The following CNTN5 variants were observed in gnomAD, a reference collection of about 807,000 sequenced individuals.
The protein encoded by CNTN5 is contactin 5.
CNTN5 carries 77 observed loss-of-function variants against 129.1 expected under a neutral mutation model. That is an observed-to-expected ratio of 0.60 (90% CI 0.50 to 0.72). The LOEUF (loss-of-function observed/expected upper bound fraction) is 0.72. CNTN5 is among the 30% of genes least tolerant of loss of function. The pLI is 0.00. For missense variants in CNTN5, 1,478 were observed against 1,328.8 expected (o/e 1.11, Z -1.75); for synonymous variants, 509 against 465.6 (o/e 1.09, Z -1.20).
chr11:99,211,092 C>G (rs755534477), intron 1 of CNTN5, among the ~76,000 whole-genome samples: 12 of 152,090 alleles, frequency 7.9e-5, no homozygotes, highest in Non-Finnish European at 1.5e-4. Flanking sequence ...AAGCCCTCCT[C>G]CCAATTGGGC....
intron 3 of CNTN5, among the ~76,000 whole-genome samples, chr11:99,620,717 C>CA (rs1168552905): frequency 1.3e-5 from 2 of 151,360 alleles, no homozygotes; most frequent in South Asian, 2.1e-4. Flanking sequence ...CCCGCTCCCC[C>CA]CCGGCCATCA....
intron 1 of CNTN5, among the ~76,000 whole-genome samples, chr11:99,059,082 C>A (rs1218910382): frequency 5.3e-5 from 8 of 149,872 alleles, no homozygotes; most frequent in Non-Finnish European, 1.0e-4. Context: ...TCCCTCCCTC[C>A]CCACCTCTCT....
At chr11:100,092,715 C>T (rs1944837358) in intron 13 of CNTN5, among the ~76,000 whole-genome samples, 2 of 152,042 alleles carry the variant, frequency 1.3e-5, no homozygotes, top group Admixed American at 1.3e-4. Context: ...GCTCTTCCCC[C>T]ATACTGAGAT....
Position 99,390,430 on chromosome 11 carries a change from T to A in CNTN5, c.-71+64946T>A, listed in dbSNP as rs189498801. On this transcript the variant is annotated intron_variant, in intron 2 of 24. Transcript: ENST00000524871. The stretch of plus-strand genomic sequence containing the variant: ...AAAAGAAAGACATACTTGTTATTCA[T>A]AAGAAAAAAGAAAGATTTTAAAACA... Among the ~76,000 whole-genome samples the A allele has an allele frequency of 1.8e-4, 27 of 152,274 alleles. No homozygotes were observed. The East Asian group carries it at 5.0e-3, about 28-fold the overall frequency.
intron 9 of CNTN5, among the ~76,000 whole-genome samples, chr11:100,022,402 C>T (rs1188224678): frequency 6.6e-6 from 1 of 152,090 alleles, no homozygotes; most frequent in Non-Finnish European, 1.5e-5. Context: ...CCCCTATGTT[C>T]TTTGTACATT....
chr11:99,120,030 G>C (rs1413691581), intron 1 of CNTN5: 1 of 151,440 alleles, frequency 6.6e-6, no homozygotes, highest in East Asian at 2.0e-4. Context: ...TTAGACCTTT[G>C]TCAGATGCAT....
chr11:100,248,867 T>C (rs1949903039), intron 16 of CNTN5, among the ~76,000 whole-genome samples: 1 of 152,162 alleles, frequency 6.6e-6, no homozygotes, highest in Non-Finnish European at 1.5e-5. Context: ...TGAGCAATAA[T>C]TTCACAAGAA....
At chr11:100,275,375 C>T (rs1329043354) in intron 18 of CNTN5, among the ~76,000 whole-genome samples, 1 of 152,158 alleles carries the variant, frequency 6.6e-6, no homozygotes, top group Non-Finnish European at 1.5e-5. Context: ...GAAATGACTG[C>T]CAATAGTAGT....
chr11:100,180,223 G>C (rs952431791), intron 13 of CNTN5, among the ~76,000 whole-genome samples: 1 of 152,064 alleles, frequency 6.6e-6, no homozygotes, highest in Admixed American at 6.6e-5. Context: ...ATTATTAGAT[G>C]ACTACAGTAA....
intron 3 of CNTN5, among the ~76,000 whole-genome samples, chr11:99,692,041 T>C (rs1484647612): frequency 6.6e-6 from 1 of 152,212 alleles, no homozygotes; most frequent in African/African-American, 2.4e-5. Flanking sequence ...GTGTCTGTAT[T>C]GTCAGAAACT....
chr11:100,284,232 T>C (rs1950713462), intron 18 of CNTN5, among the ~76,000 whole-genome samples: 1 of 152,228 alleles, frequency 6.6e-6, no homozygotes, highest in African/African-American at 2.4e-5. Context: ...CTGTGAGTGC[T>C]CACCTGATTT....
At chr11:100,111,410 C>G (rs1213932035) in intron 13 of CNTN5, among the ~76,000 whole-genome samples, 1 of 152,084 alleles carries the variant, frequency 6.6e-6, no homozygotes, top group East Asian at 1.9e-4. Flanking sequence ...GTCAGCCAAC[C>G]AAGTTATCTT....
chr11:99,711,056 T>A (rs1954965829), intron 3 of CNTN5, among the ~76,000 whole-genome samples: 1 of 151,888 alleles, frequency 6.6e-6, no homozygotes, highest in Non-Finnish European at 1.5e-5. Context: ...GTTCTGGAGA[T>A]TCTAATTGTA....
chr11:99,250,921 T>C (rs1862067226), intron 1 of CNTN5, among the ~76,000 whole-genome samples: 1 of 151,962 alleles, frequency 6.6e-6, no homozygotes, highest in Admixed American at 6.6e-5. Flanking sequence ...TTTGAGGCAC[T>C]AAAATTTGTT....
intron 2 of CNTN5, among the ~76,000 whole-genome samples, chr11:99,364,218 A>G (rs1413020326): frequency 6.6e-6 from 1 of 151,962 alleles, no homozygotes; most frequent in Admixed American, 6.6e-5. Flanking sequence ...GGTGTTAGCT[A>G]AATTAAATCA....
intron 9 of CNTN5, among the ~76,000 whole-genome samples, chr11:100,013,204 C>T (rs932015148): frequency 2.0e-5 from 3 of 151,888 alleles, no homozygotes; most frequent in South Asian, 2.1e-4. Context: ...GGGTGGGAAA[C>T]GGGTGACAGA....
intron 2 of CNTN5, among the ~76,000 whole-genome samples, chr11:99,486,875 T>G (rs916441722): frequency 2.6e-5 from 4 of 152,270 alleles, no homozygotes; most frequent in African/African-American, 7.2e-5. Flanking sequence ...TTAGAAAAAT[T>G]TTTTATTGGC....
chr11:99,077,005 A>T (rs1393254775), intron 1 of CNTN5, among the ~76,000 whole-genome samples: 1 of 152,186 alleles, frequency 6.6e-6, no homozygotes, highest in Non-Finnish European at 1.5e-5. Flanking sequence ...GAGTAATATG[A>T]AGGTTCTGGT....
chr11:99,915,902 G>C (rs1211553046), intron 6 of CNTN5, among the ~76,000 whole-genome samples, 152 bp from the exon 7 acceptor site: 2 of 152,150 alleles, frequency 1.3e-5, no homozygotes, highest in Non-Finnish European at 2.9e-5. Flanking sequence ...AAAATTAGAT[G>C]ATGTAGATAT....
Sources: allele counts gnomAD v4.1 joint callset (sites outside exome capture counted in the v4.1 genomes callset), GRCh38; gene constraint gnomAD v4.1.1; transcripts MANE v1.5; gene names NCBI Gene and HGNC (gene_info 2026-07-23, HGNC 2026-07-21).